The following ATP5MC3 variants were observed in gnomAD, a reference collection of about 807,000 sequenced individuals.
ATP5MC3 encodes ATP synthase membrane subunit c locus 3.
ATP5MC3 carries 6 observed loss-of-function variants against 15.6 expected under a neutral mutation model. The observed-to-expected ratio is 0.38, with a 90% CI of 0.21 to 0.76. The LOEUF is 0.76. ATP5MC3 is among the 30% of genes least tolerant of loss of function. The pLI, the probability that ATP5MC3 is intolerant of heterozygous loss-of-function variation, is 0.44. For missense variants in ATP5MC3, 132 were observed against 171.2 expected (o/e 0.77, Z 1.28); for synonymous variants, 66 against 63.3 (o/e 1.04, Z -0.20).
intron 3 of ATP5MC3, 22 bp from the exon 4 acceptor site, chr2:175,179,272 T>C: frequency 6.3e-7 from 1 of 1,591,872 alleles, no homozygotes; most frequent in Non-Finnish European, 8.6e-7. Context: ...AAAATAAAGG[T>C]AAAGGTCGTA....
chr2:175,180,872 A>C (rs963045228), intron 2 of ATP5MC3, among the ~76,000 whole-genome samples: 1 of 152,182 alleles, frequency 6.6e-6, no homozygotes, highest in Non-Finnish European at 1.5e-5. Context: ...AGGAAGAAAG[A>C]CTTTGGGCTC....
chr2:175,176,940 A>G lies in ATP5MC3; in HGVS notation c.*1348T>C, dbSNP rs896658799. 1 of 152,168 alleles carries G rather than the reference A, an allele frequency of 6.6e-6. No individual in the cohort carries two copies. The highest frequency in any genetic ancestry group is 2.4e-5 in the African/African-American group (1 of 41,432). The allele number at this position is 152,168 out of a possible 1,614,324, so 9.4% of individuals were successfully genotyped here. On this transcript the variant is annotated 3_prime_UTR_variant, in exon 5 of 5. Transcript: ENST00000284727. ...AAGTAGTGCTTCTATGAATACTTGT[A>G]TACAGGTTTTTGTTTGAATACCTAT...
intron 2 of ATP5MC3, among the ~76,000 whole-genome samples, chr2:175,180,470 C>T (rs1287071943): frequency 6.6e-6 from 1 of 152,098 alleles, no homozygotes; most frequent in Non-Finnish European, 1.5e-5. Context: ...TAAGTCAAGT[C>T]AGAAAAAAGC....
Position 175,181,451 on chromosome 2 carries a change from C to G in ATP5MC3, c.-58G>C, listed in dbSNP as rs1418252241. ...ATTGGGTGACAGGCGACGTGGGCTC[C>G]TCTCCCGCTTCCTCTCTGCGGAGGA... On this transcript the variant is annotated 5_prime_UTR_variant, in exon 2 of 5. Coordinates refer to ENST00000284727, the MANE Select transcript of ATP5MC3 (RefSeq NM_001689.5). The G allele has an allele frequency of 6.2e-7, 1 of 1,603,128 alleles. No individual in the cohort carries two copies. Among genetic ancestry groups the G allele is most frequent in the Non-Finnish European group, 8.5e-7 (1 of 1,172,918 alleles).
chr2:175,180,056 T>TA, intron 3 of ATP5MC3, 42 bp downstream of exon 3: 1 of 1,437,960 alleles, frequency 7.0e-7, no homozygotes, highest in Non-Finnish European at 9.5e-7. Flanking sequence ...ACCCTACCCT[T>TA]ATTTGGTAGT....
chr2:175,178,920 A>G lies in ATP5MC3; in HGVS notation c.314+137T>C. ...AATGGTGTTATGAGAATTAAGTGAG[A>G]TAATGCATACAAAGCCCTTTAAATA... On this transcript the variant is annotated intron_variant, in intron 4 of 4. Coordinates refer to ENST00000284727, the MANE Select transcript of ATP5MC3 (RefSeq NM_001689.5). 3 of 1,333,502 alleles carry G rather than the reference A, an allele frequency of 2.2e-6. No homozygotes were observed. The Admixed American group carries it at 8.3e-5, about 37-fold the overall frequency. 82.6% of individuals were successfully genotyped at this position (1,333,502 alleles called of 1,614,324 possible).
intron 4 of ATP5MC3, chr2:175,178,683 G>A (rs1386158196): frequency 8.5e-7 from 1 of 1,174,568 alleles, no homozygotes; most frequent in Non-Finnish European, 1.1e-6. Flanking sequence ...TTTAAGATCT[G>A]ACAGTTTAGG....
chr2:175,181,232 A>T lies in ATP5MC3; in HGVS notation c.39+123T>A, dbSNP rs1042802369. On this transcript the variant is annotated intron_variant, in intron 2 of 4. Coordinates refer to ENST00000284727, the MANE Select transcript of ATP5MC3 (RefSeq NM_001689.5). ...GAAAACGGCAATGGGTTAATAGGTA[A>T]GGAGAAAGCCGTTCCCGAGAGGGCG... The T allele has an allele frequency of 6.7e-6, 8 of 1,203,006 alleles. No individual in the cohort carries two copies. In the Admixed American group the frequency reaches 2.0e-4, roughly 31 times the overall value. The allele number at this position is 1,203,006 out of a possible 1,614,324, so 74.5% of individuals were successfully genotyped here.
chr2:175,179,043 A>T lies in ATP5MC3; in HGVS notation c.314+14T>A, dbSNP rs1320884346. 1 of 1,610,040 alleles carries T rather than the reference A, an allele frequency of 6.2e-7. No individual in the cohort carries two copies. The highest frequency in any genetic ancestry group is 1.3e-5 in the African/African-American group (1 of 74,884). ...AAGCATGCTCTTAACTTATTTAGGG[A>T]TAGAAATGATTACCTGGCATAACCA... On this transcript the variant is annotated intron_variant, in intron 4 of 4. Coordinates refer to ENST00000284727, the MANE Select transcript of ATP5MC3 (RefSeq NM_001689.5).
At position 175,181,306 on chromosome 2, in the gene ATP5MC3, G is replaced by A. The variant is rs185401588; in HGVS notation, c.39+49C>T. 3.1e-4 allele frequency: 493 copies of A among 1,598,134 alleles called. 5 individuals are homozygous for A. The African/African-American group carries it at 6.0e-3, about 19-fold the overall frequency. On this transcript the variant is annotated intron_variant, in intron 2 of 4. Coordinates refer to ENST00000284727, the MANE Select transcript of ATP5MC3 (RefSeq NM_001689.5). Reference sequence around the variant, plus strand: ...CCATTCAACAACGTGGACGCTCTAGGCCAAAACGCCCACCCCTCAATCCCC... The same window carrying A: ...CCATTCAACAACGTGGACGCTCTAGACCAAAACGCCCACCCCTCAATCCCC...
In ATP5MC3 at chr2:175,177,742, AC is replaced by A. The variant is rs1700709720; in HGVS notation, c.*545del. Reference sequence around the variant, plus strand: ...CTTACTGAAAAACAAAAGTCACATTACCCCCTAGCTTAAGGCTTCATTTCCT... The same window carrying A: ...CTTACTGAAAAACAAAAGTCACATTACCCCTAGCTTAAGGCTTCATTTCCT... On this transcript the variant is annotated 3_prime_UTR_variant, in exon 5 of 5. Transcript: ENST00000284727. 6.6e-6 allele frequency: 1 copy of A among 152,276 alleles called. No homozygotes were observed. Among genetic ancestry groups the A allele is most frequent in the East Asian group, 1.9e-4 (1 of 5,186 alleles). 9.4% of individuals were successfully genotyped at this position (152,276 alleles called of 1,614,324 possible). A position where few individuals can be genotyped will look rare whatever the true frequency, so the allele number is the denominator to read the frequency against.
chr2:175,178,052 G>A lies in ATP5MC3; in HGVS notation c.*236C>T. On this transcript the variant is annotated 3_prime_UTR_variant, in exon 5 of 5. Coordinates refer to ENST00000284727, the MANE Select transcript of ATP5MC3 (RefSeq NM_001689.5). ...ATTTTTCATCAGTGGAGCAACTGCT[G>A]TAGCTTCCTCTGAATGGGACAGCAT... 1 of 574,732 alleles carries A rather than the reference G, an allele frequency of 1.7e-6. No individual in the cohort carries two copies. The highest frequency in any genetic ancestry group is 2.5e-6 in the Non-Finnish European group (1 of 393,526). 35.6% of individuals were successfully genotyped at this position (574,732 alleles called of 1,614,324 possible).
At chr2:175,180,030 C>T in intron 3 of ATP5MC3, 68 bp downstream of exon 3, 1 of 1,305,498 alleles carries the variant, frequency 7.7e-7, no homozygotes. Flanking sequence ...AGTTTTTTTC[C>T]TTCACTCTAA....
In ATP5MC3 at chr2:175,181,599, C is replaced by A. The variant is rs962013825; in HGVS notation, c.-74+57G>T. The A allele has an allele frequency of 4.7e-5, 28 of 597,956 alleles. No individual in the cohort carries two copies. In the South Asian group the frequency reaches 6.1e-4, roughly 13 times the overall value. The allele number at this position is 597,956 out of a possible 1,614,324, so 37.0% of individuals were successfully genotyped here. On this transcript the variant is annotated intron_variant, in intron 1 of 4. Transcript: ENST00000284727. ...TGAGGCGCCGGCACAATGAATGGGT[C>A]CCTACTGGGCGCCGCTCCGCCCTGG...
At chr2:175,179,794 C>A (rs377057593) in intron 3 of ATP5MC3, 2 of 294,102 alleles carry the variant, frequency 6.8e-6, no homozygotes, top group African/African-American at 2.3e-5. Context: ...TGTGAGCCAC[C>A]GCATCCAGTC....
At chr2:175,180,029 C>T in intron 3 of ATP5MC3, 69 bp downstream of exon 3, 1 of 1,270,380 alleles carries the variant, frequency 7.9e-7, no homozygotes. Context: ...AAGTTTTTTT[C>T]CTTCACTCTA....
rs11545710 is a variant in ATP5MC3, at chr2:175,179,046, G to A, written c.314+11C>T. 1 of 1,610,384 alleles carries A rather than the reference G, an allele frequency of 6.2e-7. No individual in the cohort carries two copies. Among genetic ancestry groups the A allele is most frequent in the Non-Finnish European group, 8.5e-7 (1 of 1,178,336 alleles). On this transcript the variant is annotated intron_variant, in intron 4 of 4. Transcript: ENST00000284727. ...CATGCTCTTAACTTATTTAGGGATA[G>A]AAATGATTACCTGGCATAACCAATG...
chr2:175,180,307 C>T, intron 2 of ATP5MC3, 129 bp from the exon 3 acceptor site: 2 of 594,458 alleles, frequency 3.4e-6, no homozygotes, highest in Non-Finnish European at 5.3e-6. Context: ...TCTGAATTGA[C>T]TCTTTGCTGT....
In ATP5MC3 at chr2:175,177,564, A is replaced by C. The variant is rs565729588; in HGVS notation, c.*724T>G. 56 of 152,312 alleles carry C rather than the reference A, an allele frequency of 3.7e-4. No individual in the cohort carries two copies. The highest frequency in any genetic ancestry group is 1.2e-3 in the African/African-American group (49 of 41,566). The allele number at this position is 152,312 out of a possible 1,614,324, so 9.4% of individuals were successfully genotyped here. A position where few individuals can be genotyped will look rare whatever the true frequency, so the allele number is the denominator to read the frequency against. The stretch of plus-strand genomic sequence containing the variant: ...ACAGTGATACACACTGCCTTACAGC[A>C]ATTTTTGGCTGTAAAAATCTAGCCA... On this transcript the variant is annotated 3_prime_UTR_variant, in exon 5 of 5. Transcript: ENST00000284727.
Sources: allele counts gnomAD v4.1 joint callset (sites outside exome capture counted in the v4.1 genomes callset), GRCh38; gene constraint gnomAD v4.1.1; transcripts MANE v1.5; gene names NCBI Gene and HGNC (gene_info 2026-07-23, HGNC 2026-07-21).